TMEM18: variants seen among roughly 807,000 people sequenced by gnomAD.
TMEM18 encodes the protein transmembrane protein 18.
Under a neutral mutation model 17.4 loss-of-function variants are expected in TMEM18, and 14 were observed. The observed-to-expected ratio is 0.80, with a 90% CI of 0.53 to 1.25. The LOEUF is 1.25. TMEM18 is among the 50% of genes most tolerant of loss of function. The pLI is 0.00. For missense variants in TMEM18, 187 were observed against 172.1 expected, an observed-to-expected ratio of 1.09 and a Z score of -0.48; for synonymous variants, 86 against 66.1, an observed-to-expected ratio of 1.30 and a Z score of -1.46.
rs1286831060 is a variant in TMEM18, at chr2:666,832, AAC to A, written c.*2746_*2747del. Reference sequence around the variant, plus strand: ...GCTGCACTGAAAACATGTTCTGGTTAACTTGGTGAAAGAAGAAGGGTGCTCCA... The same window carrying A: ...GCTGCACTGAAAACATGTTCTGGTTATTGGTGAAAGAAGAAGGGTGCTCCA... On this transcript the variant is annotated 3_prime_UTR_variant, in exon 5 of 5. Transcript: ENST00000281017. Among the ~76,000 whole-genome samples, 2 of 152,116 alleles carry A rather than the reference AAC, an allele frequency of 1.3e-5. No homozygotes were observed. Among genetic ancestry groups the A allele is most frequent in the Non-Finnish European group, 2.9e-5 (2 of 68,010 alleles).
In TMEM18 at chr2:669,147, T is replaced by G. The variant is rs149663848; in HGVS notation, c.*433A>C. 5.0e-3 allele frequency: 788 copies of G among 158,180 alleles called. 6 individuals are homozygous for G. Among genetic ancestry groups the G allele is most frequent in the African/African-American group, 0.018 (757 of 41,636 alleles). 9.8% of individuals were successfully genotyped at this position (158,180 alleles called of 1,614,324 possible). On this transcript the variant is annotated 3_prime_UTR_variant, in exon 5 of 5. Transcript: ENST00000281017. Reference sequence around the variant, plus strand: ...CATGTCTTGGAAGGTGAAAACACCCTCTACTGCGAACTGTGGCATGCACTA... The same window carrying G: ...CATGTCTTGGAAGGTGAAAACACCCGCTACTGCGAACTGTGGCATGCACTA...
At position 676,240 on chromosome 2, in the gene TMEM18, T is replaced by A. The variant is rs1441440688; in HGVS notation, c.58-610A>T. ...GGACTCCCCGGGACCCTGCTGTACC[T>A]GGGGACAGTGTCTGGCTCAGGGACC... On this transcript the variant is annotated intron_variant, in intron 1 of 4. Transcript: ENST00000281017. 2.1e-6 allele frequency: 3 copies of A among 1,414,424 alleles called. No homozygotes were observed. The South Asian group carries it at 3.7e-5, about 17-fold the overall frequency. The allele number at this position is 1,414,424 out of a possible 1,614,324, so 87.6% of individuals were successfully genotyped here. A position where few individuals can be genotyped will look rare whatever the true frequency, so the allele number is the denominator to read the frequency against.
chr2:670,782 G>A (rs572820487), intron 3 of TMEM18: 4 of 152,686 alleles, frequency 2.6e-5, no homozygotes, highest in Non-Finnish European at 4.4e-5. Flanking sequence ...GCAGGAGGCC[G>A]CAGGGCATCA....
chr2:676,289 C>A (rs1659210182), intron 1 of TMEM18: 1 of 1,478,754 alleles, frequency 6.8e-7, no homozygotes, highest in African/African-American at 1.4e-5. Context: ...CTCAGATCCA[C>A]TGCTGCTCAG....
Position 677,389 on chromosome 2 carries a change from T to C in TMEM18, c.-44A>G. The C allele has an allele frequency of 6.2e-7, 1 of 1,602,344 alleles. No homozygotes were observed. Among genetic ancestry groups the C allele is most frequent in the Non-Finnish European group, 8.5e-7 (1 of 1,175,986 alleles). Reference sequence around the variant, plus strand: ...CTCACAGCAACCGCCGAACCCGGCCTGGCCAGAATCCACAGAGGAGGGCGC... The same window carrying C: ...CTCACAGCAACCGCCGAACCCGGCCCGGCCAGAATCCACAGAGGAGGGCGC... On this transcript the variant is annotated 5_prime_UTR_variant, in exon 1 of 5. Transcript: ENST00000281017.
At chr2:675,413 G>A in intron 2 of TMEM18, 97 bp downstream of exon 2, 6 of 1,557,434 alleles carry the variant, frequency 3.9e-6, no homozygotes, top group Admixed American at 1.7e-5. Flanking sequence ...GGGAGGTCTT[G>A]TAAAAATATG....
rs1167411477 is a variant in TMEM18, at chr2:668,016, C to A, written c.*1564G>T. On this transcript the variant is annotated 3_prime_UTR_variant, in exon 5 of 5. Transcript: ENST00000281017. Reference sequence around the variant, plus strand: ...GTTTAATTGACTCAGTTCCACATGGCCGGGGAGGCCTCGGGAAACTTACAA... The same window carrying A: ...GTTTAATTGACTCAGTTCCACATGGACGGGGAGGCCTCGGGAAACTTACAA... 1 of 152,214 alleles carries A rather than the reference C, an allele frequency of 6.6e-6. No individual in the cohort carries two copies. 9.4% of individuals were successfully genotyped at this position (152,214 alleles called of 1,614,324 possible).
Position 669,517 on chromosome 2 carries a change from T to C in TMEM18, c.*63A>G. On this transcript the variant is annotated 3_prime_UTR_variant, in exon 5 of 5. Transcript: ENST00000281017. ...GGAAGGATGCCCACGCCACGCACACTGCAGCACTGGGAGCTGCACTGGGTG... is the reference window on the plus strand; with the variant it reads ...GGAAGGATGCCCACGCCACGCACACCGCAGCACTGGGAGCTGCACTGGGTG... 1 of 1,541,802 alleles carries C rather than the reference T, an allele frequency of 6.5e-7. No homozygotes were observed. Among genetic ancestry groups the C allele is most frequent in the South Asian group, 1.1e-5 (1 of 88,624 alleles).
rs1018280961 is a variant in TMEM18 at position 666,475 on chromosome 2, A to C, written c.*3105T>G. On this transcript the variant is annotated 3_prime_UTR_variant, in exon 5 of 5. Transcript: ENST00000281017. Reference sequence around the variant, plus strand: ...GCTGTGAAACTGGAACATCGGAGGAAGAGGAGCTAGAAAGCTTACCAGGCC... The same window carrying C: ...GCTGTGAAACTGGAACATCGGAGGACGAGGAGCTAGAAAGCTTACCAGGCC... Among the ~76,000 whole-genome samples, 1 of 152,204 alleles carries C rather than the reference A, an allele frequency of 6.6e-6. No homozygotes were observed. Among genetic ancestry groups the C allele is most frequent in the African/African-American group, 2.4e-5 (1 of 41,450 alleles).
intron 2 of TMEM18, among the ~76,000 whole-genome samples, chr2:674,610 G>A (rs768454938): frequency 6.6e-6 from 1 of 152,232 alleles, no homozygotes; most frequent in African/African-American, 2.4e-5. Flanking sequence ...TGCTCTGAGC[G>A]CCTCACTTGC....
At chr2:672,736 C>T in intron 3 of TMEM18, 72 bp downstream of exon 3, 3 of 1,339,544 alleles carry the variant, frequency 2.2e-6, no homozygotes, top group South Asian at 1.8e-5. Context: ...CTCCGCGAGT[C>T]CCACCGGCTG....
intron 1 of TMEM18, 58 bp downstream of exon 1, chr2:677,231 A>G: frequency 6.4e-7 from 1 of 1,567,246 alleles, no homozygotes; most frequent in Non-Finnish European, 8.6e-7. Flanking sequence ...TGTGGGGCCT[A>G]CCCTACGCCT....
At position 675,682 on chromosome 2, in the gene TMEM18, T is replaced by C. The variant is rs780194912; in HGVS notation, c.58-52A>G. The C allele has an allele frequency of 2.5e-6, 4 of 1,603,552 alleles. No homozygotes were observed. In the South Asian group the frequency reaches 3.3e-5, roughly 13 times the overall value. On this transcript the variant is annotated intron_variant, in intron 1 of 4. Transcript: ENST00000281017. ...ACTGTCCTGCCACTCAAGGCCGGGT[T>C]CACGGCCCACCCACAGCCTTCTCCC...
chr2:675,798 G>A, intron 1 of TMEM18, 168 bp from the exon 2 acceptor site: 1 of 1,531,788 alleles, frequency 6.5e-7, no homozygotes, highest in Non-Finnish European at 8.7e-7. Flanking sequence ...GAGAAACATG[G>A]GGACAGGAAA....
chr2:674,155 C>T (rs1678933532), intron 2 of TMEM18, among the ~76,000 whole-genome samples: 1 of 152,174 alleles, frequency 6.6e-6, no homozygotes, highest in African/African-American at 2.4e-5. Flanking sequence ...GCAGGCAGCA[C>T]AGTGTCTAGT....
chr2:676,797 C>A (rs1454187763), intron 1 of TMEM18: 1 of 722,644 alleles, frequency 1.4e-6, no homozygotes, highest in Admixed American at 2.7e-5. Context: ...CCAGAATCCG[C>A]CCACATGGCC....
Position 664,676 on chromosome 2 carries a change from G to A in TMEM18, c.*4904C>T, listed in dbSNP as rs1373471670. Among the ~76,000 whole-genome samples the A allele has an allele frequency of 1.3e-5, 2 of 152,190 alleles. No homozygotes were observed. The highest frequency in any genetic ancestry group is 1.5e-5 in the Non-Finnish European group (1 of 68,038). On this transcript the variant is annotated 3_prime_UTR_variant, in exon 5 of 5. Coordinates refer to ENST00000281017, the MANE Select transcript of TMEM18 (RefSeq NM_152834.4). ...ATATGTACAACCAATATTGGCATAT[G>A]CTTTCTGAAAATTGATTTAGCAACA...
intron 3 of TMEM18, among the ~76,000 whole-genome samples, chr2:672,417 A>T (rs1413150790): frequency 6.6e-6 from 1 of 152,116 alleles, no homozygotes; most frequent in Non-Finnish European, 1.5e-5. Context: ...GACCACCCAG[A>T]AGCCCCCTAC....
chr2:670,364 T>C (rs1237481788), intron 3 of TMEM18: 2 of 156,578 alleles, frequency 1.3e-5, no homozygotes, highest in Admixed American at 1.3e-4. Flanking sequence ...AGTGCCTCTT[T>C]AGCAGAAGAG....
Sources: gnomAD v4.1 joint callset for allele counts (sites outside exome capture counted in the v4.1 genomes callset) on GRCh38, gnomAD v4.1.1 for gene constraint, MANE v1.5 for transcripts, NCBI Gene and HGNC (gene_info 2026-07-23, HGNC 2026-07-21) for gene names.